The following FAF1 variants were observed in gnomAD, a reference collection of about 807,000 sequenced individuals.
FAF1 encodes FAS-associated factor 1.
Under a neutral mutation model 92.5 loss-of-function variants are expected in FAF1, and 25 were observed. The observed-to-expected ratio is 0.27, with a 90% confidence interval of 0.20 to 0.38. FAF1 has a LOEUF of 0.38. Among genes scored for constraint, FAF1 ranks in the 10% least tolerant of loss-of-function variants. The pLI is 1.00. For missense variants in FAF1, 636 were observed against 793.3 expected (o/e 0.80, Z 2.38); for synonymous variants, 234 against 273.2 (o/e 0.86, Z 1.42).
intron 13 of FAF1, among the ~76,000 whole-genome samples, chr1:50,547,493 A>G (rs10888694): frequency 0.093 from 14,028 of 151,354 alleles, 837 homozygotes; most frequent in African/African-American, 0.17. Flanking sequence ...GGCTCACCTC[A>G]ACCTCCCACC....
At chr1:50,540,716 T>C (rs887651892) in intron 13 of FAF1, among the ~76,000 whole-genome samples, 2 of 152,266 alleles carry the variant, frequency 1.3e-5, no homozygotes, top group East Asian at 1.9e-4. Flanking sequence ...TCAGATCTGA[T>C]GGTAAAAAGT....
chr1:50,582,805 T>A, intron 11 of FAF1, 106 bp from the exon 12 acceptor site: 1 of 709,668 alleles, frequency 1.4e-6, no homozygotes, highest in Non-Finnish European at 2.5e-6. Context: ...TAATGTCTAG[T>A]GCATACTAAA....
At chr1:50,837,737 G>A (rs1430667554) in intron 2 of FAF1, among the ~76,000 whole-genome samples, 1 of 150,970 alleles carries the variant, frequency 6.6e-6, no homozygotes, top group East Asian at 1.9e-4. Context: ...GGTTGGGAAA[G>A]GGGAAGCTCC....
At chr1:50,835,810 T>C (rs1363924852) in intron 2 of FAF1, among the ~76,000 whole-genome samples, 2 of 152,148 alleles carry the variant, frequency 1.3e-5, no homozygotes, top group African/African-American at 4.8e-5. Context: ...GTATAGTAAT[T>C]GTAGGATGGC....
chr1:50,846,513 G>A, intron 2 of FAF1: 1 of 496,858 alleles, frequency 2.0e-6, no homozygotes. Flanking sequence ...CCATGCCGCG[G>A]CCAGACTGCT....
chr1:50,833,950 T>A (rs898489571), intron 2 of FAF1, among the ~76,000 whole-genome samples: 4 of 152,252 alleles, frequency 2.6e-5, no homozygotes, highest in Non-Finnish European at 4.4e-5. Flanking sequence ...TGCATTCATC[T>A]GGTTTATCCC....
At chr1:50,737,694 A>G (rs1183043571) in intron 6 of FAF1, among the ~76,000 whole-genome samples, 1 of 152,212 alleles carries the variant, frequency 6.6e-6, no homozygotes, top group Non-Finnish European at 1.5e-5. Flanking sequence ...AGACCATCCA[A>G]TACAACTACA....
At chr1:50,790,162 G>GT (rs959910527) in intron 3 of FAF1, among the ~76,000 whole-genome samples, 5 of 151,962 alleles carry the variant, frequency 3.3e-5, no homozygotes, top group Non-Finnish European at 5.9e-5. Context: ...TTTTTTGTTT[G>GT]TTTTTTTGAG....
intron 8 of FAF1, among the ~76,000 whole-genome samples, chr1:50,608,993 T>C (rs1169329486): frequency 1.3e-5 from 2 of 152,234 alleles, no homozygotes; most frequent in East Asian, 3.8e-4. Flanking sequence ...TGCTTGACTG[T>C]ATGAATGTTG....
chr1:50,672,944 C>T (rs1655960918), intron 7 of FAF1, among the ~76,000 whole-genome samples: 1 of 151,870 alleles, frequency 6.6e-6, no homozygotes, highest in African/African-American at 2.4e-5. Context: ...ATGGCAAAAC[C>T]GTGTCTCTAC....
chr1:50,603,845 T>C (rs1652258471), intron 8 of FAF1, among the ~76,000 whole-genome samples: 1 of 152,162 alleles, frequency 6.6e-6, no homozygotes, highest in South Asian at 2.1e-4. Context: ...CTAATAATAT[T>C]CTGGAACCAA....
intron 1 of FAF1, among the ~76,000 whole-genome samples, chr1:50,906,989 G>C (rs201090052): frequency 1.3e-5 from 2 of 152,026 alleles, no homozygotes; most frequent in East Asian, 1.9e-4. Flanking sequence ...CAGTTTTTGT[G>C]CATTCAGTAT....
At chr1:50,788,715 C>A (rs934505293) in intron 3 of FAF1, among the ~76,000 whole-genome samples, 24 of 152,150 alleles carry the variant, frequency 1.6e-4, no homozygotes. Context: ...GAGAAATTTC[C>A]CTTATCTTCT....
intron 12 of FAF1, among the ~76,000 whole-genome samples, chr1:50,581,810 C>T (rs1442493649): frequency 2.6e-4 from 39 of 152,210 alleles, no homozygotes; most frequent in Admixed American, 2.5e-3. Context: ...TGGGGCAATA[C>T]AAATGGTACA....
intron 6 of FAF1, among the ~76,000 whole-genome samples, chr1:50,723,133 G>T (rs1366669647): frequency 1.3e-5 from 2 of 152,160 alleles, no homozygotes; most frequent in African/African-American, 4.8e-5. Flanking sequence ...GGGTGTGGTG[G>T]CTCACGCTTG....
At chr1:50,720,590 G>C (rs1207437837) in intron 6 of FAF1, among the ~76,000 whole-genome samples, 1 of 152,086 alleles carries the variant, frequency 6.6e-6, no homozygotes, top group African/African-American at 2.4e-5. Flanking sequence ...GAGGGCACTT[G>C]GGGAACAGCT....
At chr1:50,756,632 A>G (rs12067420) in intron 4 of FAF1, among the ~76,000 whole-genome samples, 226 of 152,324 alleles carry the variant, frequency 1.5e-3, no homozygotes, top group African/African-American at 5.2e-3. Flanking sequence ...CGCTGCTGAT[A>G]AAGACATACC....
chr1:50,463,810 C>T lies in FAF1; in HGVS notation c.1869+11654G>A, dbSNP rs74082532. ...AGAAAACTTTCACATCGGAGATCCA[C>T]CACCTCTTGGAAGGCTCAGGCCCAA... On this transcript the variant is annotated intron_variant, in intron 18 of 18. Transcript: ENST00000396153. Among the ~76,000 whole-genome samples, 1,394 of 152,250 alleles carry T rather than the reference C, an allele frequency of 9.2e-3. 19 individuals carry two copies. Among genetic ancestry groups the T allele is most frequent in the African/African-American group, 0.032 (1,341 of 41,524 alleles).
At chr1:50,517,726 C>G (rs368170216) in intron 15 of FAF1, among the ~76,000 whole-genome samples, 1 of 152,230 alleles carries the variant, frequency 6.6e-6, no homozygotes, top group South Asian at 2.1e-4. Context: ...AGATATTTTT[C>G]CAATTAGCAT....
Sources: gnomAD v4.1 joint callset for allele counts (sites outside exome capture counted in the v4.1 genomes callset) on GRCh38, gnomAD v4.1.1 for gene constraint, MANE v1.5 for transcripts, NCBI Gene and HGNC (gene_info 2026-07-23, HGNC 2026-07-21) for gene names.